Variants in ANKRD6 observed in about 807,000 individuals in gnomAD.
ANKRD6 encodes ankyrin repeat domain 6.
A neutral mutation model predicts 82.3 loss-of-function variants in ANKRD6; 56 were observed. That is an observed-to-expected ratio of 0.68 (90% CI 0.55 to 0.85). The LOEUF (loss-of-function observed/expected upper bound fraction) is 0.85, where lower values mean the gene tolerates loss of function less well. Among genes scored for constraint, ANKRD6 ranks in the 40% least tolerant of loss-of-function variants. The pLI is 0.00. For synonymous variants in ANKRD6, 347 were observed against 352.1 expected (o/e 0.99, Z 0.16); for missense variants, 852 against 907.6 (o/e 0.94, Z 0.79).
rs1807409603 is a variant in ANKRD6 at position 89,631,589 on chromosome 6, TATATC to T, written c.*586_*590del. ...ATTTTCATGATGTCACAAGATCCAA[TATATC>T]TTATGATAAAATTTATTGAAAAGTC... On this transcript the variant is annotated 3_prime_UTR_variant, in exon 16 of 16. Coordinates refer to ENST00000339746, the MANE Select transcript of ANKRD6 (RefSeq NM_001242809.2). The T allele has an allele frequency of 6.6e-6, 1 of 152,208 alleles. No homozygotes were observed. The highest frequency in any genetic ancestry group is 2.1e-4 in the South Asian group (1 of 4,836). 9.4% of individuals were successfully genotyped at this position (152,208 alleles called of 1,614,324 possible).
At chr6:89,570,063 A>ATG (rs10651458) in intron 2 of ANKRD6, among the ~76,000 whole-genome samples, 76,127 of 148,702 alleles carry the variant, frequency 0.51, 19,623 homozygotes, top group Non-Finnish European at 0.56. Context: ...ATGTGTGTAT[A>ATG]TGTGTGTGTG....
intron 1 of ANKRD6, among the ~76,000 whole-genome samples, chr6:89,461,216 G>A (rs1415418739): frequency 6.6e-6 from 1 of 152,096 alleles, no homozygotes; most frequent in African/African-American, 2.4e-5. Context: ...ACCTGGCTTG[G>A]TGTTTTGGAA....
At chr6:89,581,203 C>T (rs1792442616) in intron 2 of ANKRD6, among the ~76,000 whole-genome samples, 1 of 152,188 alleles carries the variant, frequency 6.6e-6, no homozygotes, top group East Asian at 1.9e-4. Flanking sequence ...AACCAATCCC[C>T]TATTGATGGA....
intron 1 of ANKRD6, among the ~76,000 whole-genome samples, chr6:89,513,245 A>G (rs1780775915): frequency 6.6e-6 from 1 of 152,304 alleles, no homozygotes; most frequent in South Asian, 2.1e-4. Context: ...TAAAATATAT[A>G]CCAAATGAAA....
chr6:89,549,910 C>T (rs1785594715), intron 1 of ANKRD6, among the ~76,000 whole-genome samples: 1 of 136,802 alleles, frequency 7.3e-6, no homozygotes, highest in Non-Finnish European at 1.7e-5. Context: ...ACCTGTGTCT[C>T]TTTAAAAAAA....
At position 89,603,072 on chromosome 6, in the gene ANKRD6, C is replaced by T. The variant is rs746772463; in HGVS notation, c.263C>T (p.Thr88Met). The change falls in exon 4 of 16, where the codon ACG (threonine) becomes ATG (methionine). Residue 88 changes from threonine to methionine, a missense_variant. Physicochemically the swap from Thr to Met is moderately conservative, Grantham distance 81 (BLOSUM62 -1). Coordinates refer to ENST00000339746, the MANE Select transcript of ANKRD6 (RefSeq NM_001242809.2). ...CACCGGGCCACAGTGGTGGGGAACA[C>T]GGAGATCATCGCGGCGCTCATCCAC... ...ALHRATVVGN[T>M]EIIAALIHEG... The T allele has an allele frequency of 3.4e-5, 54 of 1,608,990 alleles. No homozygotes were observed. Among genetic ancestry groups the T allele is most frequent in the South Asian group, 1.6e-4 (14 of 89,492 alleles).
chr6:89,549,171 C>T (rs1181416132), intron 1 of ANKRD6, among the ~76,000 whole-genome samples: 1 of 152,068 alleles, frequency 6.6e-6, no homozygotes, highest in East Asian at 1.9e-4. Flanking sequence ...GAGCGCGCCA[C>T]TGCATGCCTG....
intron 2 of ANKRD6, among the ~76,000 whole-genome samples, chr6:89,594,865 C>T (rs1054936344): frequency 5.3e-5 from 8 of 152,218 alleles, no homozygotes; most frequent in African/African-American, 1.9e-4. Context: ...ACCTTAGCCT[C>T]CTAGGTAGCT....
intron 1 of ANKRD6, among the ~76,000 whole-genome samples, chr6:89,532,971 T>G (rs1783368992): frequency 6.6e-6 from 1 of 151,990 alleles, no homozygotes; most frequent in African/African-American, 2.4e-5. Context: ...CCTCCCAGGT[T>G]CAAGCGATTC....
intron 1 of ANKRD6, among the ~76,000 whole-genome samples, chr6:89,476,752 A>G (rs1776082474): frequency 6.6e-6 from 1 of 152,222 alleles, no homozygotes; most frequent in Non-Finnish European, 1.5e-5. Context: ...GATGACACAT[A>G]CAAATTGTCC....
At chr6:89,446,756 T>TCCCCCCC (rs1772135317) in intron 1 of ANKRD6, among the ~76,000 whole-genome samples, 1 of 152,052 alleles carries the variant, frequency 6.6e-6, no homozygotes, top group East Asian at 1.9e-4. Context: ...GCTCCCATAA[T>TCCCCCCC]CCCCATGTGT....
chr6:89,586,092 T>C (rs916275388), intron 2 of ANKRD6, among the ~76,000 whole-genome samples: 1 of 152,206 alleles, frequency 6.6e-6, no homozygotes, highest in Non-Finnish European at 1.5e-5. Flanking sequence ...CCAATCTCAA[T>C]TATGAATGTT....
At chr6:89,627,728 A>G (rs1260526219) in intron 14 of ANKRD6, 32 bp downstream of exon 14, 11 of 1,601,866 alleles carry the variant, frequency 6.9e-6, no homozygotes, top group African/African-American at 1.3e-5. Flanking sequence ...TCCTTAACTT[A>G]TGATTTACCA....
intron 2 of ANKRD6, among the ~76,000 whole-genome samples, chr6:89,579,248 A>G (rs1329492647): frequency 2.6e-5 from 4 of 152,234 alleles, no homozygotes; most frequent in Non-Finnish European, 5.9e-5. Context: ...TAGCTACCTC[A>G]TTAGGTTCTT....
Position 89,616,673 on chromosome 6 carries a change from A to G in ANKRD6, c.714+16A>G, listed in dbSNP as rs1432907444. 5.6e-6 allele frequency: 9 copies of G among 1,612,968 alleles called. No individual in the cohort carries two copies. The highest frequency in any genetic ancestry group is 4.5e-5 in the East Asian group (2 of 44,878). ...TGTTAACAATGTAAGTTGAGTTGCA[A>G]CATTGCTTTCTAAAGTGGTTCCCAC... is the stretch of plus-strand genomic sequence containing the variant. On this transcript the variant is annotated intron_variant, in intron 8 of 15. Transcript: ENST00000339746.
At position 89,541,643 on chromosome 6, in the gene ANKRD6, C is replaced by T. The variant is rs181835138; in HGVS notation, c.-143-25191C>T. Among the ~76,000 whole-genome samples the T allele has an allele frequency of 4.4e-4, 67 of 151,864 alleles. No homozygotes were observed. The East Asian group carries it at 0.011, about 25-fold the overall frequency. ...TCCTGACCTTGTGATCCGCCTGCCTCGGCCCCCCAGTATGTGTGGCTATTA... is the reference window on the plus strand; with the variant it reads ...TCCTGACCTTGTGATCCGCCTGCCTTGGCCCCCCAGTATGTGTGGCTATTA... On this transcript the variant is annotated intron_variant, in intron 1 of 15. Transcript: ENST00000339746.
chr6:89,614,864 C>G (rs905469129), intron 7 of ANKRD6, among the ~76,000 whole-genome samples: 3 of 141,662 alleles, frequency 2.1e-5, no homozygotes, highest in Admixed American at 2.1e-4. Flanking sequence ...AAAAAAAAAA[C>G]CCACCAAGCA....
intron 1 of ANKRD6, among the ~76,000 whole-genome samples, chr6:89,493,553 G>C (rs1778256477): frequency 6.6e-6 from 1 of 152,018 alleles, no homozygotes; most frequent in Non-Finnish European, 1.5e-5. Flanking sequence ...GGGACTACAG[G>C]CATGCACTAT....
rs1337032320 is a variant in ANKRD6, at chr6:89,632,570, A to G, written c.*1566A>G. On this transcript the variant is annotated 3_prime_UTR_variant, in exon 16 of 16. Transcript: ENST00000339746. Reference sequence around the variant, plus strand: ...TAGCTTGGGACTACAGGCGTGTGCCACCAGTCCTGGCTAATTTTTTGTAGA... The same window carrying G: ...TAGCTTGGGACTACAGGCGTGTGCCGCCAGTCCTGGCTAATTTTTTGTAGA... 6.6e-6 allele frequency: 1 copy of G among 152,142 alleles called. No individual in the cohort carries two copies. Among genetic ancestry groups the G allele is most frequent in the Non-Finnish European group, 1.5e-5 (1 of 68,038 alleles). 9.4% of individuals were successfully genotyped at this position (152,142 alleles called of 1,614,324 possible).
Sources: allele counts gnomAD v4.1 joint callset (sites outside exome capture counted in the v4.1 genomes callset), GRCh38; gene constraint gnomAD v4.1.1; transcripts MANE v1.5; gene names NCBI Gene and HGNC (gene_info 2026-07-23, HGNC 2026-07-21).